STAMBP: variants seen among roughly 807,000 people sequenced by gnomAD.
The protein encoded by STAMBP is STAM binding protein.
STAMBP carries 31 observed loss-of-function variants against 50.7 expected under a neutral mutation model. The observed-to-expected ratio is 0.61, with a 90% CI of 0.46 to 0.83. The LOEUF (loss-of-function observed/expected upper bound fraction) is 0.83. Among genes scored for constraint, STAMBP ranks in the 40% least tolerant of loss-of-function variants. The pLI is 0.00. For missense variants in STAMBP, 472 were observed against 518.9 expected (o/e 0.91, Z 0.88); for synonymous variants, 211 against 192.4 (o/e 1.10, Z -0.80).
intron 2 of STAMBP, among the ~76,000 whole-genome samples, chr2:73,843,681 G>A (rs1675720990): frequency 6.6e-6 from 1 of 152,148 alleles, no homozygotes; most frequent in Non-Finnish European, 1.5e-5. Context: ...AATGAAACTT[G>A]TGTGCCTAAT....
In STAMBP at chr2:73,863,163, T is replaced by C. The variant is rs1006443431; in HGVS notation, c.*904T>C. ...CCTCCATGCTTTTGGCTGAGGATAA[T>C]GAAGCCTTTGTTTGGAGTACCAGGT... On this transcript the variant is annotated 3_prime_UTR_variant, in exon 10 of 10. Coordinates refer to ENST00000394070, the MANE Select transcript of STAMBP (RefSeq NM_213622.4). 6.6e-6 allele frequency: 1 copy of C among 152,226 alleles called. No individual in the cohort carries two copies. The highest frequency in any genetic ancestry group is 6.5e-5 in the Admixed American group (1 of 15,274). 9.4% of individuals were successfully genotyped at this position (152,226 alleles called of 1,614,324 possible). A position where few individuals can be genotyped will look rare whatever the true frequency, so the allele number is the denominator to read the frequency against.
chr2:73,840,313 G>T (rs6734124), intron 2 of STAMBP, among the ~76,000 whole-genome samples: 3,451 of 114,746 alleles, frequency 0.03, 86 homozygotes, highest in African/African-American at 0.078. Context: ...TTAGGGGTTT[G>T]TTTTTTTTTT....
At chr2:73,854,797 G>C (rs539054258) in intron 7 of STAMBP, among the ~76,000 whole-genome samples, 1 of 152,206 alleles carries the variant, frequency 6.6e-6, no homozygotes, top group South Asian at 2.1e-4. Flanking sequence ...AGACCAGCCT[G>C]GGCAACATAG....
At chr2:73,872,632 C>G (rs1461599135) in intron 10 of STAMBP, among the ~76,000 whole-genome samples, 1 of 152,142 alleles carries the variant, frequency 6.6e-6, no homozygotes, top group Non-Finnish European at 1.5e-5. Context: ...CAACTTTATC[C>G]CGAAGTGTTG....
intron 6 of STAMBP, 38 bp downstream of exon 6, chr2:73,849,525 G>A (rs778474222): frequency 1.8e-5 from 28 of 1,553,414 alleles, no homozygotes; most frequent in South Asian, 5.0e-5. Context: ...TCTCTGAACC[G>A]AAACTGTTTC....
chr2:73,830,552 A>G (rs1673771960), intron 1 of STAMBP, among the ~76,000 whole-genome samples: 1 of 152,232 alleles, frequency 6.6e-6, no homozygotes, highest in Non-Finnish European at 1.5e-5. Flanking sequence ...AAAGGATTTG[A>G]TTAACTTGAA....
chr2:73,859,963 G>A (rs996503532), intron 8 of STAMBP, 89 bp from the exon 9 acceptor site: 5 of 866,646 alleles, frequency 5.8e-6, no homozygotes, highest in Non-Finnish European at 9.6e-6. Flanking sequence ...TGCTGTGTGA[G>A]TGTGCATGCT....
At chr2:73,872,179 A>G (rs1449014761) in intron 10 of STAMBP, among the ~76,000 whole-genome samples, 2 of 152,216 alleles carry the variant, frequency 1.3e-5, no homozygotes, top group Non-Finnish European at 2.9e-5. Context: ...CACTCTGACC[A>G]GGAGGATGGA....
intron 4 of STAMBP, 59 bp from the exon 5 acceptor site, chr2:73,847,328 T>C: frequency 1.3e-6 from 2 of 1,529,570 alleles, no homozygotes; most frequent in South Asian, 2.6e-5. Flanking sequence ...AGCCTTGTTC[T>C]CCTGAAGTGT....
At chr2:73,852,810 T>C in intron 7 of STAMBP, among the ~76,000 whole-genome samples, 1 of 151,086 alleles carries the variant, frequency 6.6e-6, no homozygotes. Context: ...CCTGAGTAGC[T>C]GTGATTACAG....
chr2:73,868,971 C>T (rs1020251636), downstream of STAMBP, among the ~76,000 whole-genome samples: 10 of 152,198 alleles, frequency 6.6e-5, no homozygotes, highest in Non-Finnish European at 5.9e-5. Context: ...AATAAGCAAA[C>T]ACTGCTGTCA....
intron 5 of STAMBP, among the ~76,000 whole-genome samples, chr2:73,848,710 T>C (rs1676432610): frequency 6.6e-6 from 1 of 152,222 alleles, no homozygotes; most frequent in Non-Finnish European, 1.5e-5. Flanking sequence ...TCATCACCTC[T>C]TAAAGATCCT....
rs1012487301 is a variant in STAMBP at position 73,845,694 on chromosome 2, C to T, written c.375+432C>T. Among the ~76,000 whole-genome samples the T allele has an allele frequency of 3.5e-4, 52 of 150,184 alleles. 1 individual carries two copies. The highest frequency in any genetic ancestry group is 5.6e-4 in the Non-Finnish European group (38 of 67,764). On this transcript the variant is annotated intron_variant, in intron 4 of 9. Transcript: ENST00000394070. The stretch of plus-strand genomic sequence containing the variant: ...TCGCCTAGGCTGGAGTGCAGTGGCA[C>T]GATCTCAGCTCACTGCAACCTCTGC...
chr2:73,834,730 A>G (rs1345589136), intron 2 of STAMBP, among the ~76,000 whole-genome samples: 2 of 152,228 alleles, frequency 1.3e-5, no homozygotes, highest in Admixed American at 1.3e-4. Flanking sequence ...AGTCAGGGTA[A>G]GGTCTGTCTG....
chr2:73,834,201 T>A (rs1203557406), intron 2 of STAMBP, among the ~76,000 whole-genome samples: 2 of 85,100 alleles, frequency 2.4e-5, no homozygotes, highest in Non-Finnish European at 4.3e-5. Context: ...CAGAGCAAGA[T>A]CATGTCTTAA....
At position 73,864,271 on chromosome 2, in the gene STAMBP, A is replaced by T. The variant is rs1413996054; in HGVS notation, c.*2012A>T. ...AAAGACATTCAGCCAGGTCAACAAC[A>T]TATCATACGTTGCAACCACATTGAT... is the stretch of plus-strand genomic sequence containing the variant. On this transcript the variant is annotated 3_prime_UTR_variant, in exon 10 of 10. Transcript: ENST00000394070. The T allele has an allele frequency of 6.6e-6, 1 of 152,252 alleles. No homozygotes were observed. The highest frequency in any genetic ancestry group is 2.1e-4 in the South Asian group (1 of 4,834). The allele number at this position is 152,252 out of a possible 1,614,324, so 9.4% of individuals were successfully genotyped here.
At chr2:73,831,196 G>T in intron 2 of STAMBP, 137 bp downstream of exon 2, 1 of 676,670 alleles carries the variant, frequency 1.5e-6, no homozygotes, top group Non-Finnish European at 2.6e-6. Flanking sequence ...CATATTGGCT[G>T]TCCTTGCCGT....
intron 7 of STAMBP, among the ~76,000 whole-genome samples, chr2:73,854,022 C>T (rs1185167439): frequency 2.0e-5 from 3 of 152,138 alleles, no homozygotes; most frequent in Non-Finnish European, 4.4e-5. Flanking sequence ...GTGTAGTTTT[C>T]TGAACATGTT....
In STAMBP at chr2:73,847,425, C is replaced by T. The variant is rs757404623; in HGVS notation, c.414C>T (p.Ile138=). ...AGGAATTGGCCCGGAACATGGCCAT[C>T]CAGCAAGAGCTGGAAAAGGAAAAAC... ...EAEELARNMA[I]QQELEKEKQR... is the part of the protein sequence containing the mutation. Residue 138 remains isoleucine (I), a synonymous_variant, in exon 5 of 10, where the codon ATC becomes ATT. Transcript: ENST00000394070. 1 of 1,612,684 alleles carries T rather than the reference C, an allele frequency of 6.2e-7. No homozygotes were observed. The highest frequency in any genetic ancestry group is 1.1e-5 in the South Asian group (1 of 90,964).
Sources: allele counts gnomAD v4.1 joint callset (sites outside exome capture counted in the v4.1 genomes callset), GRCh38; gene constraint gnomAD v4.1.1; transcripts MANE v1.5; gene names NCBI Gene and HGNC (gene_info 2026-07-23, HGNC 2026-07-21).